ADH1C: variants seen among roughly 807,000 people sequenced by gnomAD.
ADH1C encodes alcohol dehydrogenase 1C (class I), gamma polypeptide.
ADH1C carries 26 observed loss-of-function variants against 35.0 expected under a neutral mutation model. That is an observed-to-expected ratio of 0.74 (90% CI 0.54 to 1.03). ADH1C has a LOEUF of 1.03. Among genes scored for constraint, ADH1C ranks in the 50% least tolerant of loss-of-function variants. The pLI is 0.00. For missense variants in ADH1C, 413 were observed against 465.4 expected (o/e 0.89, Z 1.04); for synonymous variants, 170 against 169.3 (o/e 1.00, Z -0.03).
chr4:99,343,485 T>A (rs901490462), intron 5 of ADH1C, among the ~76,000 whole-genome samples: 2 of 152,194 alleles, frequency 1.3e-5, no homozygotes, highest in Non-Finnish European at 2.9e-5. Flanking sequence ...CAGTATCTCA[T>A]ACATACACCA....
chr4:99,347,275 C>G (rs1358404740), intron 2 of ADH1C, 131 bp from the exon 3 acceptor site: 2 of 1,128,222 alleles, frequency 1.8e-6, no homozygotes, highest in African/African-American at 3.2e-5. Flanking sequence ...CCTACTATTC[C>G]CAAATATGAA....
intron 8 of ADH1C, among the ~76,000 whole-genome samples, chr4:99,338,391 TTTTCTATATATATATA>T (rs1429363396): frequency 3.7e-5 from 1 of 27,138 alleles, no homozygotes; most frequent in African/African-American, 2.5e-4. Context: ...ATGAATACTG[TTTTCTATATATATATA>T]TATATATATA....
At chr4:99,341,632 T>C (rs931303103) in intron 6 of ADH1C, among the ~76,000 whole-genome samples, 1 of 152,210 alleles carries the variant, frequency 6.6e-6, no homozygotes, top group Non-Finnish European at 1.5e-5. Flanking sequence ...TGCTGCTCCC[T>C]GTTACCCACA....
chr4:99,342,076 G>A (rs890047331), intron 6 of ADH1C, among the ~76,000 whole-genome samples: 6 of 151,974 alleles, frequency 3.9e-5, no homozygotes, highest in African/African-American at 1.4e-4. Flanking sequence ...GACATTTATT[G>A]GAAGCTAACC....
chr4:99,345,151 C>G (rs763812033), intron 4 of ADH1C, 28 bp downstream of exon 4: 6 of 1,613,644 alleles, frequency 3.7e-6, no homozygotes, highest in Non-Finnish European at 5.1e-6. Flanking sequence ...AACTCAAAGT[C>G]TGTGCAAAGA....
intron 1 of ADH1C, among the ~76,000 whole-genome samples, chr4:99,348,170 C>G (rs938838437): frequency 2.6e-5 from 4 of 151,282 alleles, no homozygotes; most frequent in African/African-American, 9.7e-5. Flanking sequence ...TACATGTGCA[C>G]ATTGTGCAGG....
Position 99,344,879 on chromosome 4 carries a change from C to T in ADH1C, c.550G>A (p.Ala184Thr). 1 of 1,614,162 alleles carries T rather than the reference C, an allele frequency of 6.2e-7. No individual in the cohort carries two copies. ...GCGFSTGYGS[A>T]VKVAKVTPGS... ...ATTTCTACCTTGGCAACTTTGACTG[C>T]AGACCCATAACCAGTCGAAAATCCA... The change falls in exon 5 of 9, where the codon GCA becomes ACA. Residue 184 changes from alanine to threonine, a missense_variant. Coordinates refer to ENST00000515683, the MANE Select transcript of ADH1C (RefSeq NM_000669.5).
chr4:99,338,422 T>C (rs1433674154), intron 8 of ADH1C, among the ~76,000 whole-genome samples: 1 of 75,698 alleles, frequency 1.3e-5, no homozygotes, highest in Non-Finnish European at 2.6e-5. Context: ...TATATATATA[T>C]ATATATATAT....
At position 99,339,684 on chromosome 4, in the gene ADH1C, A is replaced by C. The variant is rs1161512640; in HGVS notation, c.996T>G (p.Leu332=). ...ACTTCTTAGCCATAAAGTCAGCCAC[A>C]AGTTTGGGGACAGATTCTTTACTCT... ...GFKSKESVPK[L]VADFMAKKFS... Residue 332 remains leucine (L), a synonymous_variant, in exon 8 of 9, where the codon CTT becomes CTG. Coordinates refer to ENST00000515683, the MANE Select transcript of ADH1C (RefSeq NM_000669.5). The C allele has an allele frequency of 1.9e-6, 3 of 1,612,314 alleles. No homozygotes were observed. The highest frequency in any genetic ancestry group is 1.7e-6 in the Non-Finnish European group (2 of 1,179,332).
intron 1 of ADH1C, chr4:99,351,169 C>G (rs1399634483): frequency 6.6e-6 from 1 of 152,092 alleles, no homozygotes; most frequent in African/African-American, 2.4e-5. Flanking sequence ...ATTAATGTAG[C>G]CTCACGTTTT....
intron 7 of ADH1C, among the ~76,000 whole-genome samples, 193 bp downstream of exon 7, chr4:99,340,381 TC>T (rs1292578987): frequency 1.3e-5 from 2 of 152,120 alleles, no homozygotes; most frequent in African/African-American, 4.8e-5. Context: ...GCCACTGCAC[TC>T]TACCTTGTGT....
At chr4:99,346,291 A>G (rs920582056) in intron 3 of ADH1C, among the ~76,000 whole-genome samples, 15 of 152,138 alleles carry the variant, frequency 9.9e-5, no homozygotes, top group African/African-American at 1.7e-4. Flanking sequence ...TAATTAATAT[A>G]GTAATATTTA....
In ADH1C at chr4:99,336,605, A is replaced by G. The variant is rs986124965; in HGVS notation, c.*147T>C. The G allele has an allele frequency of 4.1e-6, 4 of 981,078 alleles. No individual in the cohort carries two copies. Among genetic ancestry groups the G allele is most frequent in the Non-Finnish European group, 6.1e-6 (4 of 651,496 alleles). 60.8% of individuals were successfully genotyped at this position (981,078 alleles called of 1,614,324 possible). On this transcript the variant is annotated 3_prime_UTR_variant, in exon 9 of 9. Coordinates refer to ENST00000515683, the MANE Select transcript of ADH1C (RefSeq NM_000669.5). ...TTGCTTGACAAATAATTTCCCATCAATTTCCATTTCTTTGGAAAGCTCCCA... is the reference window on the plus strand; with the variant it reads ...TTGCTTGACAAATAATTTCCCATCAGTTTCCATTTCTTTGGAAAGCTCCCA...
intron 1 of ADH1C, among the ~76,000 whole-genome samples, chr4:99,348,426 T>C (rs913526357): frequency 6.6e-6 from 1 of 151,946 alleles, no homozygotes; most frequent in African/African-American, 2.4e-5. Context: ...GATTTCCAGC[T>C]TCATCCATGT....
At chr4:99,339,800 T>G (rs548222888) in intron 7 of ADH1C, 85 bp from the exon 8 acceptor site, 13 of 1,369,642 alleles carry the variant, frequency 9.5e-6, no homozygotes, top group Admixed American at 2.2e-5. Flanking sequence ...AATGAAAGTT[T>G]AGAAAAAGTG....
At chr4:99,340,766 A>G in intron 6 of ADH1C, 56 bp from the exon 7 acceptor site, 1 of 1,605,268 alleles carries the variant, frequency 6.2e-7, no homozygotes, top group Non-Finnish European at 8.5e-7. Flanking sequence ...GTTCATACTC[A>G]TAATGCACAA....
chr4:99,340,846 TC>T, intron 6 of ADH1C, 136 bp from the exon 7 acceptor site: 1 of 1,344,058 alleles, frequency 7.4e-7, no homozygotes, highest in Non-Finnish European at 1.0e-6. Flanking sequence ...GCTCCTTCAT[TC>T]CCCCTTTCTT....
chr4:99,350,039 A>G (rs1031529367), intron 1 of ADH1C, among the ~76,000 whole-genome samples: 8 of 152,242 alleles, frequency 5.3e-5, no homozygotes, highest in Non-Finnish European at 1.2e-4. Flanking sequence ...TGCAAATATA[A>G]TAAAAATTCA....
intron 7 of ADH1C, 27 bp downstream of exon 7, chr4:99,340,548 A>G (rs758298145): frequency 1.5e-5 from 24 of 1,613,080 alleles, no homozygotes; most frequent in Non-Finnish European, 1.9e-5. Flanking sequence ...GTTAATGAGA[A>G]TTTGGCTCTG....
Sources: gnomAD v4.1 joint callset for allele counts (sites outside exome capture counted in the v4.1 genomes callset) on GRCh38, gnomAD v4.1.1 for gene constraint, MANE v1.5 for transcripts, NCBI Gene and HGNC (gene_info 2026-07-23, HGNC 2026-07-21) for gene names.